MROH1: variants seen among roughly 807,000 people sequenced by gnomAD.
The protein encoded by MROH1 is maestro heat like repeat family member 1, also known as maestro heat-like repeat-containing protein family member 1.
A neutral mutation model predicts 116.5 loss-of-function variants in MROH1; 117 were observed. The observed-to-expected ratio is 1.00, with a 90% CI of 0.86 to 1.17. The LOEUF (loss-of-function observed/expected upper bound fraction) is 1.17, where lower values mean the gene tolerates loss of function less well. Among genes scored for constraint, MROH1 ranks in the 50% most tolerant of loss-of-function variants. MROH1 has a pLI of 0.00. For missense variants in MROH1, 1,873 were observed against 1,338.5 expected (o/e 1.40, Z -6.23); for synonymous variants, 921 against 583.9 (o/e 1.58, Z -8.32).
Position 144,261,711 on chromosome 8 carries a change from G to T in MROH1, c.4897G>T (p.Ala1633Ser). The T allele has an allele frequency of 2.8e-6, 2 of 722,692 alleles. No homozygotes were observed. Among genetic ancestry groups the T allele is most frequent in the East Asian group, 2.6e-5 (1 of 38,232 alleles). The allele number at this position is 722,692 out of a possible 1,614,324, so 44.8% of individuals were successfully genotyped here. A position where few individuals can be genotyped will look rare whatever the true frequency, so the allele number is the denominator to read the frequency against. The change falls in exon 44 of 44, where the codon GCC becomes TCC. Residue 1633 changes from alanine (A) to serine (S), a missense_variant. Transcript: ENST00000326134. ...APEVRTRAAEALGRLVKLA is the reference protein window; with the variant it reads ...APEVRTRAAESLGRLVKLA ...CGAGGTGCGGACGAGGGCTGCTGAG[G>T]CCCTGGGCCGCCTGGTGAAGCTCGC... is the stretch of plus-strand genomic sequence containing the variant.
chr8:144,231,978 C>T (rs565506880), intron 14 of MROH1, among the ~76,000 whole-genome samples: 1 of 152,116 alleles, frequency 6.6e-6, no homozygotes, highest in South Asian at 2.1e-4. Flanking sequence ...GAGATCAAAT[C>T]CAGGTAACTG....
intron 1 of MROH1, among the ~76,000 whole-genome samples, chr8:144,151,636 C>G (rs1816819619): frequency 6.6e-6 from 1 of 152,206 alleles, no homozygotes; most frequent in Non-Finnish European, 1.5e-5. Context: ...TACAAAAAGC[C>G]CTCTGTCCTT....
At chr8:144,204,252 G>T (rs527659238) in intron 12 of MROH1, among the ~76,000 whole-genome samples, 1 of 152,070 alleles carries the variant, frequency 6.6e-6, no homozygotes, top group East Asian at 1.9e-4. Flanking sequence ...CTGGGACTGC[G>T]GGTGTGCACC....
At chr8:144,211,029 GTTC>G (rs1833988090) in intron 12 of MROH1, among the ~76,000 whole-genome samples, 1 of 152,076 alleles carries the variant, frequency 6.6e-6, no homozygotes, top group Admixed American at 6.6e-5. Flanking sequence ...GTTCCCCTCC[GTTC>G]TTCTCTTTCT....
chr8:144,246,618 C>T (rs1159533743), intron 29 of MROH1, among the ~76,000 whole-genome samples: 3 of 152,178 alleles, frequency 2.0e-5, no homozygotes, highest in African/African-American at 7.2e-5. Flanking sequence ...CCAGCCTTTC[C>T]CTTCTGACTT....
At chr8:144,215,872 CAAAAAAA>C (rs35093804) in intron 12 of MROH1, among the ~76,000 whole-genome samples, 1 of 124,966 alleles carries the variant, frequency 8.0e-6, no homozygotes, top group Non-Finnish European at 1.7e-5. Flanking sequence ...GACTCTGTCG[CAAAAAAA>C]AAAAAAAGAA....
In MROH1 at chr8:144,261,152, C is replaced by G. The variant is rs956085460; in HGVS notation, c.4710C>G (p.Thr1570=). Residue 1570 remains threonine, a synonymous_variant, in exon 42 of 44, where the codon ACC becomes ACG. Coordinates refer to ENST00000326134, the MANE Select transcript of MROH1 (RefSeq NM_032450.3). ...CAGACCTGCTGGGCCGTCTCCTGAC[C>G]ACCTGCCTGTTCTACTTCAAGAGCA... The part of the protein sequence containing the change: ...HFPDLLGRLL[T]TCLFYFKSSW... 1.3e-6 allele frequency: 1 copy of G among 772,488 alleles called. No homozygotes were observed. Among genetic ancestry groups the G allele is most frequent in the Non-Finnish European group, 2.4e-6 (1 of 417,676 alleles). 47.9% of individuals were successfully genotyped at this position (772,488 alleles called of 1,614,324 possible).
At chr8:144,192,650 G>A (rs1328137730) in intron 10 of MROH1, 2 of 672,338 alleles carry the variant, frequency 3.0e-6, no homozygotes, top group African/African-American at 1.8e-5. Flanking sequence ...GGGTGCCCAG[G>A]CCCAGTGCAG....
chr8:144,215,536 TC>T (rs1393685919), intron 12 of MROH1, among the ~76,000 whole-genome samples: 1 of 152,082 alleles, frequency 6.6e-6, no homozygotes, highest in Non-Finnish European at 1.5e-5. Flanking sequence ...GAGGACCACT[TC>T]CTGGTCCCTC....
At chr8:144,232,671 T>C (rs1554823261) in intron 14 of MROH1, among the ~76,000 whole-genome samples, 1 of 151,936 alleles carries the variant, frequency 6.6e-6, no homozygotes, top group East Asian at 1.9e-4. Context: ...TTTTTTGTAT[T>C]TTCAGTAGAG....
intron 7 of MROH1, among the ~76,000 whole-genome samples, chr8:144,188,428 G>A (rs989886076): frequency 6.8e-6 from 1 of 147,978 alleles, no homozygotes; most frequent in African/African-American, 2.5e-5. Context: ...GCAGCCCTGG[G>A]TCAGGTGCTA....
At chr8:144,156,241 GAAAA>G (rs1218482716) in intron 1 of MROH1, among the ~76,000 whole-genome samples, 20 of 58,504 alleles carry the variant, frequency 3.4e-4, no homozygotes, top group African/African-American at 3.9e-4. Flanking sequence ...CCGTCTCAAA[GAAAA>G]AAAAAAAAAA....
intron 21 of MROH1, 99 bp from the exon 22 acceptor site, chr8:144,241,296 G>A: frequency 1.4e-6 from 1 of 704,498 alleles, no homozygotes; most frequent in East Asian, 2.7e-5. Context: ...GTGCGCATGT[G>A]TGTACATGTG....
At chr8:144,258,079 G>A (rs1026780131) in intron 35 of MROH1, among the ~76,000 whole-genome samples, 29 of 152,166 alleles carry the variant, frequency 1.9e-4, no homozygotes, top group Non-Finnish European at 2.9e-4. Context: ...GCCGATGGTC[G>A]ATGCCAGGCT....
intron 12 of MROH1, among the ~76,000 whole-genome samples, chr8:144,203,399 G>A (rs1210636878): frequency 6.7e-6 from 1 of 149,992 alleles, no homozygotes; most frequent in African/African-American, 2.5e-5. Context: ...CTCTGTAGAG[G>A]GTCCTGGAGA....
intron 1 of MROH1, among the ~76,000 whole-genome samples, chr8:144,151,977 C>T (rs1280524840): frequency 1.3e-5 from 2 of 152,230 alleles, no homozygotes. Context: ...CCGGCGATCT[C>T]TCTCTCTTCT....
chr8:144,165,734 C>T lies in MROH1; in HGVS notation c.22+1886C>T, dbSNP rs190073467. Among the ~76,000 whole-genome samples, 588 of 151,254 alleles carry T rather than the reference C, an allele frequency of 3.9e-3. 1 individual carries two copies. Among genetic ancestry groups the T allele is most frequent in the African/African-American group, 0.013 (550 of 41,110 alleles). ...GGACTACAGGTGCATGCCACTACGC[C>T]GTAATTTTTGTATTTTTTTTTTTTT... On this transcript the variant is annotated intron_variant, in intron 3 of 43. Coordinates refer to ENST00000326134, the MANE Select transcript of MROH1 (RefSeq NM_032450.3).
Position 144,174,843 on chromosome 8 carries a change from A to G in MROH1, c.169-4612A>G, listed in dbSNP as rs116917523. On this transcript the variant is annotated intron_variant, in intron 4 of 43. Transcript: ENST00000326134. ...TTTTTCATGGGTTCCTATGTTTTCCAGTTGCATAACCCATTGCAGACTTGC... is the reference window on the plus strand; with the variant it reads ...TTTTTCATGGGTTCCTATGTTTTCCGGTTGCATAACCCATTGCAGACTTGC... The G allele has an allele frequency of 9.4e-3, 9,307 of 985,306 alleles. 57 individuals are homozygous for G. The highest frequency in any genetic ancestry group is 0.011 in the Non-Finnish European group (8,854 of 829,896). The allele number at this position is 985,306 out of a possible 1,614,324, so 61.0% of individuals were successfully genotyped here.
chr8:144,184,003 C>T (rs1826327550), intron 7 of MROH1, among the ~76,000 whole-genome samples: 1 of 152,138 alleles, frequency 6.6e-6, no homozygotes, highest in Non-Finnish European at 1.5e-5. Context: ...CCCTTCAAGG[C>T]CCCTCCTCAG....
Sources: gnomAD v4.1 joint callset for allele counts (sites outside exome capture counted in the v4.1 genomes callset) on GRCh38, gnomAD v4.1.1 for gene constraint, MANE v1.5 for transcripts, NCBI Gene and HGNC (gene_info 2026-07-23, HGNC 2026-07-21) for gene names.